The following CELF2 variants were observed in gnomAD, a reference collection of about 807,000 sequenced individuals.
CELF2 encodes the protein CUG triplet repeat RNA-binding protein 2.
A neutral mutation model predicts 62.6 loss-of-function variants in CELF2; 8 were observed. The ratio of observed to expected loss-of-function variants is 0.13; its 90% confidence interval spans 0.07 to 0.23. The LOEUF (loss-of-function observed/expected upper bound fraction) is 0.23. Ranked by LOEUF, CELF2 falls within the 10% of genes least tolerant of loss-of-function variation. CELF2 has a pLI of 1.00. For synonymous variants in CELF2, 258 were observed against 250.0 expected (o/e 1.03, Z -0.30); for missense variants, 333 against 671.0 (o/e 0.50, Z 5.56).
the CELF2 span, among the ~76,000 whole-genome samples, chr10:10,588,168 G>C: frequency 4.6e-5 from 7 of 152,122 alleles, no homozygotes; most frequent in Non-Finnish European, 1.0e-4. Context: ...TCTCTCAGAC[G>C]CTGATGGCCC....
At chr10:10,498,638 G>A in the CELF2 span, among the ~76,000 whole-genome samples, 3 of 152,128 alleles carry the variant, frequency 2.0e-5, no homozygotes, top group Non-Finnish European at 2.9e-5. Context: ...GTCAAGCTTC[G>A]CCTTCCTCTA....
chr10:10,733,450 C>A, the CELF2 span, among the ~76,000 whole-genome samples: 1 of 151,578 alleles, frequency 6.6e-6, no homozygotes, highest in Non-Finnish European at 1.5e-5. Context: ...AAAAAAAGTG[C>A]AGAGGAAACA....
chr10:10,777,737 C>G, the CELF2 span, among the ~76,000 whole-genome samples: 5 of 152,138 alleles, frequency 3.3e-5, no homozygotes, highest in Admixed American at 3.3e-4. Flanking sequence ...CTACACTAGC[C>G]CCCTTTGCCT....
At chr10:10,915,280 T>G (rs2064222935) in intron 1 of CELF2, among the ~76,000 whole-genome samples, 1 of 152,170 alleles carries the variant, frequency 6.6e-6, no homozygotes, top group South Asian at 2.1e-4. Context: ...AAAATGAACT[T>G]AAGAGAGCAG....
In CELF2 at chr10:10,866,079, G is replaced by T. The variant is rs151091593; in HGVS notation, c.54-53885G>T. On this transcript the variant is annotated intron_variant, in intron 1 of 13. Transcript: ENST00000636488. The stretch of plus-strand genomic sequence containing the variant: ...GCATGTTCACACTGGTCCAGGAAGA[G>T]CCGCGGCCTGTCTTCCATTCCTCTT... 4.4e-3 allele frequency among the ~76,000 whole-genome samples: 673 copies of T among 152,260 alleles called. 5 individuals carry two copies. The highest frequency in any genetic ancestry group is 0.016 in the African/African-American group (648 of 41,544).
chr10:10,663,671 C>T, the CELF2 span, among the ~76,000 whole-genome samples: 1 of 152,142 alleles, frequency 6.6e-6, no homozygotes, highest in Non-Finnish European at 1.5e-5. Flanking sequence ...TTGGCTGACC[C>T]ATTGAAAAAC....
the CELF2 span, among the ~76,000 whole-genome samples, chr10:10,687,167 A>G: frequency 6.6e-6 from 1 of 152,208 alleles, no homozygotes; most frequent in Non-Finnish European, 1.5e-5. Context: ...AGATGGGCAC[A>G]TGCAAAGTGC....
rs569729306 is a variant in CELF2, at chr10:11,082,565, T to C, written c.74+64402T>C. Among the ~76,000 whole-genome samples the C allele has an allele frequency of 7.8e-4, 119 of 152,332 alleles. 2 individuals are homozygous for C. Among genetic ancestry groups the C allele is most frequent in the Non-Finnish European group, 1.5e-3 (101 of 68,030 alleles). On this transcript the variant is annotated intron_variant, in intron 1 of 12. Transcript: ENST00000633077. ...AGAGTAACTATGTAAATCACTCCTCTTCTGTGGCTCTCAAGTCTCTGATCT... is the reference window on the plus strand; with the variant it reads ...AGAGTAACTATGTAAATCACTCCTCCTCTGTGGCTCTCAAGTCTCTGATCT...
At chr10:10,737,739 TTGGC>T in the CELF2 span, among the ~76,000 whole-genome samples, 1 of 151,932 alleles carries the variant, frequency 6.6e-6, no homozygotes, top group Admixed American at 6.6e-5. Flanking sequence ...ATAAGAAACC[TTGGC>T]AGGTTCCCTG....
chr10:10,737,949 G>T, the CELF2 span, among the ~76,000 whole-genome samples: 1 of 152,150 alleles, frequency 6.6e-6, no homozygotes, highest in Non-Finnish European at 1.5e-5. Context: ...GCACACCTGG[G>T]TCTCTGCCTA....
At chr10:10,852,511 ATTG>A (rs766052461) in intron 1 of CELF2, among the ~76,000 whole-genome samples, 1 of 152,188 alleles carries the variant, frequency 6.6e-6, no homozygotes, top group African/African-American at 2.4e-5. Context: ...TGGTGGTAGA[ATTG>A]TTGTGTATCT....
intron 2 of CELF2, among the ~76,000 whole-genome samples, chr10:11,215,591 CT>C (rs11305966): frequency 0.82 from 121,043 of 147,284 alleles, 50,117 homozygotes; most frequent in South Asian, 0.89. Flanking sequence ...TCAGATTCTG[CT>C]TTTTTTTTTT....
At chr10:10,718,985 CTTTT>C in the CELF2 span, among the ~76,000 whole-genome samples, 2,040 of 125,092 alleles carry the variant, frequency 0.016, 15 homozygotes, top group African/African-American at 0.037. Context: ...TTATTATTCT[CTTTT>C]TTTTTTTTTT....
intron 10 of CELF2, chr10:11,317,360 T>G (rs555766834): frequency 6.6e-6 from 1 of 152,352 alleles, no homozygotes; most frequent in East Asian, 1.9e-4. Flanking sequence ...ACACAACCTT[T>G]GTGCCCTTAA....
At chr10:10,963,270 G>A (rs951420695) in intron 2 of CELF2, among the ~76,000 whole-genome samples, 1 of 152,094 alleles carries the variant, frequency 6.6e-6, no homozygotes, top group African/African-American at 2.4e-5. Context: ...GGCCAGGCTG[G>A]TCTTGAACTC....
chr10:11,221,705 C>T (rs959264164), intron 3 of CELF2, among the ~76,000 whole-genome samples: 1 of 152,234 alleles, frequency 6.6e-6, no homozygotes, highest in African/African-American at 2.4e-5. Flanking sequence ...GCTGCGGAAT[C>T]TAAATGTCTT....
the CELF2 span, among the ~76,000 whole-genome samples, chr10:10,537,968 G>A: frequency 6.6e-6 from 1 of 152,138 alleles, no homozygotes; most frequent in Non-Finnish European, 1.5e-5. Flanking sequence ...CAGTCCAAGT[G>A]CGATGAGCCC....
the CELF2 span, among the ~76,000 whole-genome samples, chr10:10,757,859 AT>A: frequency 6.6e-6 from 1 of 152,236 alleles, no homozygotes; most frequent in Non-Finnish European, 1.5e-5. Context: ...TAAATTTTAT[AT>A]AGTTTAAAAC....
the CELF2 span, among the ~76,000 whole-genome samples, chr10:10,612,544 T>C: frequency 2.6e-5 from 4 of 152,168 alleles, no homozygotes; most frequent in Non-Finnish European, 5.9e-5. Context: ...GAATAATATG[T>C]GCAAAGATAT....
Sources: gnomAD v4.1 joint callset for allele counts (sites outside exome capture counted in the v4.1 genomes callset) on GRCh38, gnomAD v4.1.1 for gene constraint, MANE v1.5 for transcripts, NCBI Gene and HGNC (gene_info 2026-07-23, HGNC 2026-07-21) for gene names.